The following NFIC variants were observed in gnomAD, a reference collection of about 807,000 sequenced individuals.
NFIC encodes nuclear factor I C, also known as nuclear factor 1 C-type.
Under a neutral mutation model 54.4 loss-of-function variants are expected in NFIC, and 12 were observed. The ratio of observed to expected loss-of-function variants is 0.22; its 90% CI spans 0.14 to 0.36. NFIC has a LOEUF of 0.36. Among genes scored for constraint, NFIC ranks in the 10% least tolerant of loss-of-function variants. The pLI is 1.00. For synonymous variants in NFIC, 322 were observed against 319.2 expected, an observed-to-expected ratio of 1.01 and a Z score of -0.09; for missense variants, 575 against 718.2, an observed-to-expected ratio of 0.80 and a Z score of 2.28.
chr19:3,368,616 C>A (rs529857004), intron 1 of NFIC, among the ~76,000 whole-genome samples: 1 of 152,186 alleles, frequency 6.6e-6, no homozygotes, highest in African/African-American at 2.4e-5. Flanking sequence ...TCCTCCCCTG[C>A]GATTCTCCTC....
intron 1 of NFIC, among the ~76,000 whole-genome samples, chr19:3,360,846 G>A (rs1190495722): frequency 2.0e-5 from 3 of 152,200 alleles, no homozygotes; most frequent in East Asian, 1.9e-4. Flanking sequence ...GGCGGTTGGG[G>A]GGGGTCGCCA....
At chr19:3,388,902 G>A (rs1007174385) in intron 2 of NFIC, among the ~76,000 whole-genome samples, 2 of 152,132 alleles carry the variant, frequency 1.3e-5, no homozygotes, top group African/African-American at 4.8e-5. Context: ...CTACACAGGA[G>A]GCTGAGGCAG....
chr19:3,448,279 G>A (rs1443773977), intron 6 of NFIC, among the ~76,000 whole-genome samples: 1 of 152,114 alleles, frequency 6.6e-6, no homozygotes, highest in African/African-American at 2.4e-5. Flanking sequence ...CACCATGTTG[G>A]CCAGGCTGGT....
chr19:3,426,241 T>A (rs190188991), intron 3 of NFIC, among the ~76,000 whole-genome samples: 100 of 152,036 alleles, frequency 6.6e-4, no homozygotes, highest in African/African-American at 1.1e-3. Flanking sequence ...CTTTTTTTTT[T>A]AATTTTTTAA....
At chr19:3,392,770 G>A (rs1194891679) in intron 2 of NFIC, among the ~76,000 whole-genome samples, 1 of 152,178 alleles carries the variant, frequency 6.6e-6, no homozygotes, top group African/African-American at 2.4e-5. Flanking sequence ...GCTGGGCGAG[G>A]GCAGGAAGTC....
intron 10 of NFIC, 102 bp downstream of exon 10, chr19:3,456,737 C>G: frequency 1.7e-6 from 2 of 1,181,682 alleles, no homozygotes; most frequent in Admixed American, 4.2e-5. Context: ...CACGCCACAC[C>G]CCTGGCACAG....
intron 6 of NFIC, among the ~76,000 whole-genome samples, chr19:3,437,059 C>T (rs2082214466): frequency 1.3e-5 from 2 of 152,060 alleles, no homozygotes; most frequent in African/African-American, 4.8e-5. Flanking sequence ...TCACTGTCAT[C>T]CACGTCTTTA....
chr19:3,452,750 C>T lies in NFIC; in HGVS notation c.1269+84C>T, dbSNP rs1162337604. ...GCCACGTGCTCACACGAAGGCACAA[C>T]CTCTGCTTAAAAGGGTCTTGAGGAC... On this transcript the variant is annotated intron_variant, in intron 8 of 10. Transcript: ENST00000443272. The surrounding 1 kb of genome is among the most constrained non-coding windows in gnomAD (Gnocchi z 5.3). The T allele has an allele frequency of 4.8e-6, 7 of 1,473,184 alleles. No individual in the cohort carries two copies. Among genetic ancestry groups the T allele is most frequent in the Non-Finnish European group, 6.4e-6 (7 of 1,101,738 alleles). 91.3% of individuals were successfully genotyped at this position (1,473,184 alleles called of 1,614,324 possible).
chr19:3,452,516 G>C lies in NFIC; in HGVS notation c.1119G>C (p.Leu373=). 6.2e-7 allele frequency: 1 copy of C among 1,613,022 alleles called. No individual in the cohort carries two copies. The change falls in exon 8 of 11, where the codon CTG becomes CTC. Residue 373 remains leucine (L), a synonymous_variant. Coordinates refer to ENST00000443272, the MANE Select transcript of NFIC (RefSeq NM_001245002.2). The surrounding 1 kb of genome is among the most constrained non-coding windows in gnomAD (Gnocchi z 5.3). ...GGAGCCCACACCCGTCCTCCGCTCT[G>C]CATTTCCCTACGACGTCCATCCTAC... ...IARSPHPSSA[L]HFPTTSILPQ...
chr19:3,369,111 C>T lies in NFIC; in HGVS notation c.30+2445C>T, dbSNP rs1007342474. 3.9e-5 allele frequency among the ~76,000 whole-genome samples: 6 copies of T among 151,926 alleles called. No homozygotes were observed. In the East Asian group the frequency reaches 5.8e-4, roughly 15 times the overall value. On this transcript the variant is annotated intron_variant, in intron 1 of 10. Coordinates refer to ENST00000443272, the MANE Select transcript of NFIC (RefSeq NM_001245002.2). This position sits in a 1 kb window ranked among gnomAD's most constrained non-coding sequence, Gnocchi z 4.3. ...ATGTCTATCTCACCATCCCTTTCTC[C>T]TCTTTGTCTCTGCATGTCTCTTTGA... is the stretch of plus-strand genomic sequence containing the variant.
intron 6 of NFIC, among the ~76,000 whole-genome samples, chr19:3,437,635 C>CAA (rs397860121): frequency 1.3e-3 from 102 of 77,262 alleles, no homozygotes; most frequent in African/African-American, 3.2e-3. Context: ...GACTATGTCT[C>CAA]AAAAAAAAAA....
intron 9 of NFIC, among the ~76,000 whole-genome samples, chr19:3,454,897 C>T (rs900211629): frequency 3.9e-5 from 6 of 152,120 alleles, no homozygotes; most frequent in African/African-American, 7.2e-5. Flanking sequence ...CCATAAAAAC[C>T]GGCTTCTGAT....
At chr19:3,440,391 G>A (rs1412638827) in intron 6 of NFIC, among the ~76,000 whole-genome samples, 2 of 151,828 alleles carry the variant, frequency 1.3e-5, no homozygotes, top group South Asian at 2.1e-4. Flanking sequence ...GCACCTAAAC[G>A]GAGTGGGGAG....
In NFIC at chr19:3,375,858, TCCA is replaced by T. The variant is rs1470899968; in HGVS notation, c.31-5853_31-5851del. 9.9e-5 allele frequency among the ~76,000 whole-genome samples: 15 copies of T among 152,048 alleles called. 1 individual carries two copies. In the East Asian group the frequency reaches 2.9e-3, roughly 29 times the overall value. The stretch of plus-strand genomic sequence containing the variant: ...ATCCCGGCCTGGAAATGGGACCGAG[TCCA>T]GCCACATCCGCTGGCACACACAGTG... On this transcript the variant is annotated intron_variant, in intron 1 of 10. Transcript: ENST00000443272. The surrounding 1 kb of genome is among the most constrained non-coding windows in gnomAD (Gnocchi z 4.6).
At position 3,466,599 on chromosome 19, in the gene NFIC, A is replaced by G. The variant is rs188692410; in HGVS notation, c.*3830A>G. On this transcript the variant is annotated 3_prime_UTR_variant, in exon 11 of 11. Transcript: ENST00000443272. The surrounding 1 kb of genome is among the most constrained non-coding windows in gnomAD (Gnocchi z 4.8). ...GGCCACGACATTGCCCTTAAGTAAT[A>G]TGCATTGGCCAGAGAGCCCGGGCTG... 1.8e-3 allele frequency: 272 copies of G among 152,062 alleles called. 3 individuals carry two copies. Among genetic ancestry groups the G allele is most frequent in the South Asian group, 0.011 (51 of 4,808 alleles). The allele number at this position is 152,062 out of a possible 1,614,324, so 9.4% of individuals were successfully genotyped here.
Position 3,431,566 on chromosome 19 carries a change from G to A in NFIC, c.635-1952G>A, listed in dbSNP as rs1010202081. 4.4e-4 allele frequency among the ~76,000 whole-genome samples: 66 copies of A among 150,076 alleles called. 1 individual carries two copies. The highest frequency in any genetic ancestry group is 1.6e-3 in the African/African-American group (65 of 40,730). Reference sequence around the variant, plus strand: ...GTACTTTTTGTAGGGATGGGGTTTCGCCATGTTGCCCAGTCCCGTCTCAAA... The same window carrying A: ...GTACTTTTTGTAGGGATGGGGTTTCACCATGTTGCCCAGTCCCGTCTCAAA... On this transcript the variant is annotated intron_variant, in intron 3 of 10. Transcript: ENST00000443272.
intron 3 of NFIC, among the ~76,000 whole-genome samples, chr19:3,425,913 CCTGG>C (rs1367803276): frequency 7.2e-6 from 1 of 138,370 alleles, no homozygotes; most frequent in African/African-American, 2.6e-5. Context: ...CACCACCATG[CCTGG>C]CTTTTTTTTT....
intron 1 of NFIC, among the ~76,000 whole-genome samples, chr19:3,381,255 C>T (rs2081201533): frequency 6.6e-6 from 1 of 151,866 alleles, no homozygotes; most frequent in Non-Finnish European, 1.5e-5. Context: ...ATTAGCTGGG[C>T]GTGGTGGTGG....
chr19:3,461,347 C>T (rs2082635909), intron 10 of NFIC, among the ~76,000 whole-genome samples: 1 of 152,004 alleles, frequency 6.6e-6, no homozygotes, highest in African/African-American at 2.4e-5. Flanking sequence ...CACTTGAGCC[C>T]AGGAGATGGA....
Sources: gnomAD v4.1 joint callset for allele counts (sites outside exome capture counted in the v4.1 genomes callset) on GRCh38, gnomAD v4.1.1 for gene constraint, Gnocchi (gnomAD v3.1) non-coding constraint, MANE v1.5 for transcripts, NCBI Gene and HGNC (gene_info 2026-07-23, HGNC 2026-07-21) for gene names.